Variants in ZNF469 observed in about 807,000 individuals in gnomAD.
The protein encoded by ZNF469 is zinc finger protein 469.
ZNF469 carries 1 observed loss-of-function variant against 1.0 expected under a neutral mutation model. The ratio of observed to expected loss-of-function variants is 1.00; its 90% CI spans 0.35 to 4.73. The LOEUF (loss-of-function observed/expected upper bound fraction) is 4.73. Ranked by LOEUF, ZNF469 falls within the 30% of genes most tolerant of loss-of-function variation. The pLI, the probability that ZNF469 is intolerant of heterozygous loss-of-function variation, is 0.16. For synonymous variants in ZNF469, 2,703 were observed against 2,363.4 expected, an observed-to-expected ratio of 1.14 and a Z score of -4.17; for missense variants, 6,100 against 5,356.3, an observed-to-expected ratio of 1.14 and a Z score of -4.33.
the ZNF469 span, among the ~76,000 whole-genome samples, chr16:88,340,136 C>G: frequency 8.5e-5 from 13 of 152,176 alleles, no homozygotes; most frequent in African/African-American, 3.1e-4. Context: ...TCCTCCTACC[C>G]CAGCCGACAT....
chr16:88,246,551 C>T, the ZNF469 span, among the ~76,000 whole-genome samples: 3 of 152,226 alleles, frequency 2.0e-5, no homozygotes, highest in East Asian at 5.8e-4. Context: ...TTAGAATCGC[C>T]AAGAGCGCTT....
chr16:88,292,632 G>C, the ZNF469 span, among the ~76,000 whole-genome samples: 1 of 151,970 alleles, frequency 6.6e-6, no homozygotes, highest in Non-Finnish European at 1.5e-5. Flanking sequence ...CTTCTGGGGT[G>C]ATGGTGGCCA....
At chr16:88,379,518 G>T (rs2092515962), upstream of ZNF469, among the ~76,000 whole-genome samples, 1 of 152,144 alleles carries the variant, frequency 6.6e-6, no homozygotes, top group African/African-American at 2.4e-5. Flanking sequence ...CCAGGCCAGG[G>T]GAGGGACGGG....
At chr16:88,248,675 C>T in the ZNF469 span, among the ~76,000 whole-genome samples, 1 of 152,174 alleles carries the variant, frequency 6.6e-6, no homozygotes, top group Admixed American at 6.5e-5. Flanking sequence ...TGTTTATGAA[C>T]TCAGCATCAT....
At chr16:88,308,541 C>T in the ZNF469 span, among the ~76,000 whole-genome samples, 1 of 152,214 alleles carries the variant, frequency 6.6e-6, no homozygotes, top group African/African-American at 2.4e-5. Context: ...CTGTTCTCTG[C>T]AGAGCACCCA....
At chr16:88,161,094 G>A in the ZNF469 span, among the ~76,000 whole-genome samples, 1 of 151,508 alleles carries the variant, frequency 6.6e-6, no homozygotes, top group Non-Finnish European at 1.5e-5. Flanking sequence ...CCAGGGGGCA[G>A]AGCTTGCAGT....
At chr16:88,139,588 T>C in the ZNF469 span, among the ~76,000 whole-genome samples, 1 of 150,918 alleles carries the variant, frequency 6.6e-6, no homozygotes, top group Non-Finnish European at 1.5e-5. Context: ...TCCCCTGGCC[T>C]GGGGACGTGA....
At chr16:88,366,625 A>T in the ZNF469 span, among the ~76,000 whole-genome samples, 1 of 47,660 alleles carries the variant, frequency 2.1e-5, no homozygotes, top group Non-Finnish European at 8.8e-5. Context: ...CATCACCACT[A>T]TCAGCACCAT....
chr16:88,380,949 C>T (rs200403821), upstream of ZNF469, among the ~76,000 whole-genome samples: 724 of 144,412 alleles, frequency 5.0e-3, 16 homozygotes, highest in East Asian at 0.026. Context: ...CACACAGACA[C>T]GCCCTCACAC....
intron 1 of ZNF469, among the ~76,000 whole-genome samples, chr16:88,398,347 C>T (rs1273096355): frequency 6.6e-6 from 1 of 151,430 alleles, no homozygotes; most frequent in African/African-American, 2.4e-5. Flanking sequence ...GGTGAAGGGA[C>T]ACGTGAGCCA....
chr16:88,130,765 C>T, the ZNF469 span, among the ~76,000 whole-genome samples: 3,193 of 150,880 alleles, frequency 0.021, no homozygotes, highest in African/African-American at 0.075. Flanking sequence ...GCCTCCCACG[C>T]ACTCAGTGGT....
the ZNF469 span, among the ~76,000 whole-genome samples, chr16:88,113,024 C>T: frequency 3.9e-5 from 6 of 152,088 alleles, no homozygotes; most frequent in Non-Finnish European, 7.4e-5. Context: ...GTGATCCACC[C>T]GCCTTGGCCT....
the ZNF469 span, among the ~76,000 whole-genome samples, chr16:88,346,759 G>A: frequency 6.6e-6 from 1 of 152,212 alleles, no homozygotes. Flanking sequence ...AAGAGGAAGT[G>A]GGGAGATGGG....
At chr16:88,129,128 C>T in the ZNF469 span, among the ~76,000 whole-genome samples, 1 of 152,236 alleles carries the variant, frequency 6.6e-6, no homozygotes, top group Non-Finnish European at 1.5e-5. Context: ...TCAAAAAGTA[C>T]CTGCCTCATT....
At chr16:88,370,592 T>G in the ZNF469 span, among the ~76,000 whole-genome samples, 1 of 152,158 alleles carries the variant, frequency 6.6e-6, no homozygotes, top group Non-Finnish European at 1.5e-5. Flanking sequence ...GCTGCGTGCC[T>G]CACGTGTGTC....
At chr16:88,342,937 GGGGCA>G in the ZNF469 span, among the ~76,000 whole-genome samples, 1 of 152,346 alleles carries the variant, frequency 6.6e-6, no homozygotes, top group East Asian at 1.9e-4. Context: ...GAGGGGCACA[GGGGCA>G]GCAAGGCTGG....
the ZNF469 span, among the ~76,000 whole-genome samples, chr16:88,366,925 C>T: frequency 6.6e-6 from 1 of 152,100 alleles, no homozygotes; most frequent in Non-Finnish European, 1.5e-5. Context: ...TCATCAAGAC[C>T]ATCATCATTA....
At chr16:88,320,050 A>T in the ZNF469 span, among the ~76,000 whole-genome samples, 4 of 152,156 alleles carry the variant, frequency 2.6e-5, no homozygotes, top group Non-Finnish European at 4.4e-5. Context: ...GCGGGGGATA[A>T]TTCAAAGCAT....
chr16:88,213,644 G>A, the ZNF469 span, among the ~76,000 whole-genome samples: 1 of 152,108 alleles, frequency 6.6e-6, no homozygotes, highest in African/African-American at 2.4e-5. Flanking sequence ...TCCAAAGGGT[G>A]CCTCCTCCTC....
Sources: allele counts gnomAD v4.1 joint callset (sites outside exome capture counted in the v4.1 genomes callset), GRCh38; gene constraint gnomAD v4.1.1; transcripts MANE v1.5; gene names NCBI Gene and HGNC (gene_info 2026-07-23, HGNC 2026-07-21).